FGGY: variants seen among roughly 807,000 people sequenced by gnomAD.
FGGY encodes FGGY carbohydrate kinase domain containing, also known as FGGY carbohydrate kinase domain-containing protein.
FGGY carries 72 observed loss-of-function variants against 71.3 expected under a neutral mutation model. The observed-to-expected ratio is 1.01, with a 90% CI of 0.84 to 1.23. FGGY has a LOEUF of 1.23. Among genes scored for constraint, FGGY ranks in the 50% most tolerant of loss-of-function variants. The pLI is 0.00. For synonymous variants in FGGY, 251 were observed against 250.3 expected (o/e 1.00, Z -0.02); for missense variants, 668 against 682.3 (o/e 0.98, Z 0.23).
At chr1:59,355,922 A>G (rs1012142319) in intron 4 of FGGY, among the ~76,000 whole-genome samples, 4 of 132,358 alleles carry the variant, frequency 3.0e-5, no homozygotes, top group Admixed American at 7.2e-5. Context: ...ATGTGCTTGG[A>G]AAAAAAAAAT....
intron 7 of FGGY, 97 bp from the exon 8 acceptor site, chr1:59,554,027 C>G (rs1377103561): frequency 2.1e-5 from 20 of 945,704 alleles, no homozygotes; most frequent in Non-Finnish European, 3.0e-5. Context: ...TGTTGTTTGA[C>G]TATTAAAAAG....
At chr1:59,688,324 A>T (rs2097561634) in intron 14 of FGGY, among the ~76,000 whole-genome samples, 1 of 152,244 alleles carries the variant, frequency 6.6e-6, no homozygotes, top group Non-Finnish European at 1.5e-5. Context: ...ATTTACCCAA[A>T]GTCACACTGC....
chr1:59,637,523 A>G (rs2096973297), intron 10 of FGGY, among the ~76,000 whole-genome samples: 2 of 152,072 alleles, frequency 1.3e-5, no homozygotes, highest in African/African-American at 4.8e-5. Context: ...AATCGCTTGA[A>G]TCTGGGAGGC....
At chr1:59,587,728 C>G (rs1299800469) in intron 8 of FGGY, among the ~76,000 whole-genome samples, 1 of 152,196 alleles carries the variant, frequency 6.6e-6, no homozygotes, top group Non-Finnish European at 1.5e-5. Flanking sequence ...AGACCTGCAG[C>G]TGAGGGTCCT....
At chr1:59,381,093 G>C (rs1005110950) in intron 5 of FGGY, among the ~76,000 whole-genome samples, 93 of 152,284 alleles carry the variant, frequency 6.1e-4, no homozygotes, top group African/African-American at 2.2e-3. Flanking sequence ...TCAAAGATCA[G>C]ATGGTTGTAG....
intron 6 of FGGY, among the ~76,000 whole-genome samples, chr1:59,459,571 T>G (rs1016920962): frequency 6.6e-6 from 1 of 152,224 alleles, no homozygotes; most frequent in African/African-American, 2.4e-5. Context: ...GACAAAATGA[T>G]CTGTGTTCAA....
At position 59,321,555 on chromosome 1, in the gene FGGY, T is replaced by C. The variant is rs973782187; in HGVS notation, c.6T>C (p.Ser2=). Residue 2 remains serine (S), a synonymous_variant, in exon 2 of 16, where the codon TCT becomes TCC. Transcript: ENST00000303721. M[S]GGEQKPERYY... ...CTATAGGTGGAGGAACTGCAATGTC[T>C]GGTGGAGAACAGAAACCAGAGAGGT... is the stretch of plus-strand genomic sequence containing the variant. The C allele has an allele frequency of 1.2e-5, 19 of 1,613,768 alleles. No individual in the cohort carries two copies. Among genetic ancestry groups the C allele is most frequent in the Non-Finnish European group, 1.6e-5 (19 of 1,179,866 alleles).
At chr1:59,358,791 A>G (rs543659897) in intron 4 of FGGY, among the ~76,000 whole-genome samples, 4 of 152,248 alleles carry the variant, frequency 2.6e-5, no homozygotes, top group Non-Finnish European at 4.4e-5. Flanking sequence ...ATCTACATAC[A>G]TGGCCAACAC....
chr1:59,689,439 G>A (rs544572066), intron 14 of FGGY, among the ~76,000 whole-genome samples: 2 of 152,248 alleles, frequency 1.3e-5, no homozygotes, highest in East Asian at 3.9e-4. Flanking sequence ...GGTAGGGGTT[G>A]TTAACCACAA....
intron 10 of FGGY, among the ~76,000 whole-genome samples, chr1:59,629,782 AC>A (rs1338843149): frequency 1.3e-5 from 2 of 152,190 alleles, no homozygotes; most frequent in East Asian, 3.9e-4. Flanking sequence ...ATTGTGTGAA[AC>A]CCATTTTCTT....
intron 9 of FGGY, among the ~76,000 whole-genome samples, chr1:59,615,009 C>G (rs574409616): frequency 6.6e-5 from 10 of 152,288 alleles, no homozygotes; most frequent in Non-Finnish European, 4.4e-5. Flanking sequence ...AGGACACAAA[C>G]AAATGGAAGA....
intron 14 of FGGY, among the ~76,000 whole-genome samples, chr1:59,684,223 T>G (rs2097527597): frequency 6.6e-6 from 1 of 152,044 alleles, no homozygotes; most frequent in South Asian, 2.1e-4. Context: ...AAGTCTAAGG[T>G]GTAATGGCAA....
At chr1:59,383,776 T>A (rs1411089155) in intron 5 of FGGY, among the ~76,000 whole-genome samples, 1 of 152,184 alleles carries the variant, frequency 6.6e-6, no homozygotes, top group Admixed American at 6.5e-5. Context: ...AATTTTTAAA[T>A]CTACCTACGA....
chr1:59,444,211 C>T (rs930132009), intron 5 of FGGY, among the ~76,000 whole-genome samples: 8 of 152,132 alleles, frequency 5.3e-5, no homozygotes, highest in African/African-American at 1.4e-4. Flanking sequence ...CCCTTGACCC[C>T]GGGTCTTTGC....
chr1:59,398,412 T>G (rs1212859108), intron 5 of FGGY, among the ~76,000 whole-genome samples: 1 of 152,146 alleles, frequency 6.6e-6, no homozygotes, highest in Admixed American at 6.6e-5. Flanking sequence ...CTAATTTTTG[T>G]ATTTTTAGTA....
intron 5 of FGGY, among the ~76,000 whole-genome samples, chr1:59,381,855 A>G (rs2059499528): frequency 6.6e-6 from 1 of 152,224 alleles, no homozygotes; most frequent in Non-Finnish European, 1.5e-5. Context: ...AAAATAGAGC[A>G]TATGCTACAC....
chr1:59,588,804 A>G (rs923895299), intron 8 of FGGY, among the ~76,000 whole-genome samples: 3 of 152,234 alleles, frequency 2.0e-5, no homozygotes, highest in South Asian at 2.1e-4. Flanking sequence ...AAACATGGAA[A>G]GGAACAACCG....
intron 14 of FGGY, among the ~76,000 whole-genome samples, chr1:59,754,183 T>A (rs930341960): frequency 1.3e-5 from 2 of 152,196 alleles, no homozygotes; most frequent in African/African-American, 4.8e-5. Context: ...ATCAGTACTG[T>A]CATAATGGGC....
intron 4 of FGGY, among the ~76,000 whole-genome samples, chr1:59,374,912 G>A (rs1175867884): frequency 8.4e-6 from 1 of 119,600 alleles, no homozygotes; most frequent in African/African-American, 3.1e-5. Context: ...CTGTTGTGGG[G>A]TGGGGGGAGG....
Sources: gnomAD v4.1 joint callset for allele counts (sites outside exome capture counted in the v4.1 genomes callset) on GRCh38, gnomAD v4.1.1 for gene constraint, MANE v1.5 for transcripts, NCBI Gene and HGNC (gene_info 2026-07-23, HGNC 2026-07-21) for gene names.